DGCR2: variants seen among roughly 807,000 people sequenced by gnomAD.
DGCR2 encodes the protein integral membrane protein DGCR2/IDD.
In DGCR2, 24 loss-of-function variants were observed where a neutral mutation model predicts 51.6. That is an observed-to-expected ratio of 0.47 (90% CI 0.34 to 0.65). DGCR2 has a LOEUF of 0.65. DGCR2 is among the 30% of genes least tolerant of loss of function. The pLI is 0.01. For synonymous variants in DGCR2, 340 were observed against 315.4 expected (o/e 1.08, Z -0.82); for missense variants, 765 against 772.1 (o/e 0.99, Z 0.11).
At position 19,039,099 on chromosome 22, in the gene DGCR2, C is replaced by A. The variant is rs746856325; in HGVS notation, c.1419G>T (p.Val473=). 1.9e-6 allele frequency: 3 copies of A among 1,613,030 alleles called. No individual in the cohort carries two copies. The highest frequency in any genetic ancestry group is 2.7e-5 in the African/African-American group (2 of 74,942). ...CCCCAGGGGCTGGCAGGCTGACCTC[C>A]ACAGGCTCAAAAGCATCATCGTCTG... The part of the protein sequence containing the change: ...DPADDDAFEP[V]EVSLPAPGDG... The change falls in exon 10 of 10, where the codon GTG becomes GTT. Residue 473 remains valine, a synonymous_variant. Coordinates refer to ENST00000263196, the MANE Select transcript of DGCR2 (RefSeq NM_005137.3).
intron 8 of DGCR2, 41 bp from the exon 9 acceptor site, chr22:19,041,335 A>G (rs372639188): frequency 2.9e-5 from 46 of 1,593,868 alleles, no homozygotes; most frequent in Non-Finnish European, 3.8e-5. Context: ...GAGACAAGTC[A>G]CTGGGGGCAG....
At chr22:19,069,868 G>A (rs189687195) in intron 2 of DGCR2, among the ~76,000 whole-genome samples, 2 of 152,114 alleles carry the variant, frequency 1.3e-5, no homozygotes, top group Non-Finnish European at 2.9e-5. Context: ...GTTGCTATTC[G>A]ACTGGGAATC....
intron 3 of DGCR2, 90 bp from the exon 4 acceptor site, chr22:19,065,157 G>T: frequency 8.9e-7 from 1 of 1,127,408 alleles, no homozygotes. Flanking sequence ...GGCACACCTT[G>T]TAAATCACCC....
At chr22:19,102,753 C>G (rs1250312214) in intron 1 of DGCR2, among the ~76,000 whole-genome samples, 10 of 152,004 alleles carry the variant, frequency 6.6e-5, no homozygotes, top group Non-Finnish European at 1.5e-4. Context: ...TGCCTGTAAT[C>G]GCAGAACTTT....
At chr22:19,048,151 G>C in intron 7 of DGCR2, 1 of 495,554 alleles carries the variant, frequency 2.0e-6, no homozygotes, top group Non-Finnish European at 3.7e-6. Context: ...GTTTGAAGCT[G>C]TCAGTGGTGA....
chr22:19,074,390 A>C (rs2082850827), intron 2 of DGCR2, among the ~76,000 whole-genome samples: 1 of 149,394 alleles, frequency 6.7e-6, no homozygotes. Flanking sequence ...ACTCCACTCC[A>C]GCCTGGGCCA....
chr22:19,069,420 T>C (rs762557148), intron 2 of DGCR2, among the ~76,000 whole-genome samples: 1 of 152,208 alleles, frequency 6.6e-6, no homozygotes, highest in African/African-American at 2.4e-5. Context: ...AAACATTCAA[T>C]GTGAAATGCT....
At chr22:19,113,111 G>C (rs1354409324) in intron 1 of DGCR2, among the ~76,000 whole-genome samples, 4 of 103,336 alleles carry the variant, frequency 3.9e-5, no homozygotes, top group African/African-American at 1.0e-4. Context: ...GTGGCTCACG[G>C]CTGTAATACC....
At chr22:19,041,527 G>A in intron 8 of DGCR2, 1 of 609,244 alleles carries the variant, frequency 1.6e-6, no homozygotes, top group Non-Finnish European at 2.9e-6. Context: ...ACTTCTGTCA[G>A]ACCCAGCCTC....
chr22:19,109,394 G>A (rs1185099408), intron 1 of DGCR2, among the ~76,000 whole-genome samples: 3 of 152,096 alleles, frequency 2.0e-5, no homozygotes, highest in Non-Finnish European at 2.9e-5. Flanking sequence ...AGGTGGAAGC[G>A]ACCCAGGTGT....
At chr22:19,073,267 A>AC (rs1248128956) in intron 2 of DGCR2, among the ~76,000 whole-genome samples, 2 of 151,136 alleles carry the variant, frequency 1.3e-5, no homozygotes, top group East Asian at 3.9e-4. Context: ...TCACACACAC[A>AC]AAAAAAAACT....
intron 2 of DGCR2, among the ~76,000 whole-genome samples, chr22:19,072,904 A>C (rs1343115639): frequency 6.6e-6 from 1 of 152,058 alleles, no homozygotes; most frequent in African/African-American, 2.4e-5. Flanking sequence ...TTTTTTAAAA[A>C]AAAGGAAAAT....
intron 2 of DGCR2, among the ~76,000 whole-genome samples, chr22:19,074,815 T>A (rs1447438918): frequency 1.3e-5 from 2 of 152,180 alleles, no homozygotes; most frequent in African/African-American, 4.8e-5. Context: ...CCACCTTTTT[T>A]TTACATCGGA....
At chr22:19,093,458 C>T (rs2083102844) in intron 1 of DGCR2, among the ~76,000 whole-genome samples, 1 of 151,888 alleles carries the variant, frequency 6.6e-6, no homozygotes, top group Admixed American at 6.6e-5. Context: ...AAAATCTTCG[C>T]ACCCTTGGTT....
In DGCR2 at chr22:19,038,115, G is replaced by C. The variant is rs1472901233; in HGVS notation, c.*750C>G. ...CAGAGCTTCTTCCTGAGGGAGCCAT[G>C]CACAGCAATGCTGGGAGAGGGACTG... On this transcript the variant is annotated 3_prime_UTR_variant, in exon 10 of 10. Coordinates refer to ENST00000263196, the MANE Select transcript of DGCR2 (RefSeq NM_005137.3). 6.6e-6 allele frequency: 1 copy of C among 152,458 alleles called. No homozygotes were observed. Among genetic ancestry groups the C allele is most frequent in the Non-Finnish European group, 1.5e-5 (1 of 68,180 alleles). 9.4% of individuals were successfully genotyped at this position (152,458 alleles called of 1,614,324 possible).
intron 5 of DGCR2, 125 bp downstream of exon 5, chr22:19,063,077 C>T: frequency 1.4e-6 from 1 of 712,916 alleles, no homozygotes; most frequent in South Asian, 1.9e-5. Context: ...GCAACTGGGG[C>T]TCACCCACTC....
rs182087286 is a variant in DGCR2 at position 19,104,631 on chromosome 22, G to C, written c.80-15141C>G. ...AGCCCACTAAGATAGGTCTCCACCA[G>C]AGCAGTCTGAGACCCATCAGACACA... On this transcript the variant is annotated intron_variant, in intron 1 of 9. Transcript: ENST00000263196. Among the ~76,000 whole-genome samples, 5 of 152,306 alleles carry C rather than the reference G, an allele frequency of 3.3e-5. No individual in the cohort carries two copies. The East Asian group carries it at 9.6e-4, about 29-fold the overall frequency.
chr22:19,091,115 T>C (rs2083073585), intron 1 of DGCR2, among the ~76,000 whole-genome samples: 2 of 152,272 alleles, frequency 1.3e-5, no homozygotes, highest in African/African-American at 4.8e-5. Flanking sequence ...TCCCAGCATT[T>C]TGGGAGGCTG....
At chr22:19,069,206 C>T (rs780232272) in intron 2 of DGCR2, among the ~76,000 whole-genome samples, 1 of 152,198 alleles carries the variant, frequency 6.6e-6, no homozygotes, top group African/African-American at 2.4e-5. Context: ...CTGCAGATGG[C>T]GAGTGGGGCC....
Sources: gnomAD v4.1 joint callset for allele counts (sites outside exome capture counted in the v4.1 genomes callset) on GRCh38, gnomAD v4.1.1 for gene constraint, MANE v1.5 for transcripts, NCBI Gene and HGNC (gene_info 2026-07-23, HGNC 2026-07-21) for gene names.